The following PTDSS1 variants were observed in gnomAD, a reference collection of about 807,000 sequenced individuals.
The protein encoded by PTDSS1 is PSS-1.
Under a neutral mutation model 70.5 loss-of-function variants are expected in PTDSS1, and 45 were observed. The observed-to-expected ratio is 0.64, with a 90% confidence interval of 0.50 to 0.82. PTDSS1 has a LOEUF of 0.82. Among genes scored for constraint, PTDSS1 ranks in the 40% least tolerant of loss-of-function variants. The pLI is 0.00. For missense variants in PTDSS1, 417 were observed against 586.1 expected (o/e 0.71, Z 2.98); for synonymous variants, 188 against 203.8 (o/e 0.92, Z 0.66).
rs1810413313 is a variant in PTDSS1, at chr8:96,262,129, A to G, written c.89A>G (p.Glu30Gly). 3.7e-6 allele frequency: 6 copies of G among 1,613,962 alleles called. No individual in the cohort carries two copies. Among genetic ancestry groups the G allele is most frequent in the Non-Finnish European group, 5.1e-6 (6 of 1,179,854 alleles). Reference protein sequence around the residue: ...HFRMINEQQVEDITIDFFYRP... With the variant: ...HFRMINEQQVGDITIDFFYRP... ...CGGATGATCAACGAGCAGCAAGTGG[A>G]GGACATCACCATTGACTTCTTCTAC... Residue 30 changes from glutamate to glycine, a missense_variant, in exon 1 of 13, where the codon GAG (glutamate) becomes GGG (glycine). Physicochemically the swap from Glu to Gly is moderately conservative, Grantham distance 98. Around this residue, in one of 3 missense-constraint regions of PTDSS1, gnomAD observed 272 missense variants for 429.5 expected, o/e 0.63. Coordinates refer to ENST00000517309, the MANE Select transcript of PTDSS1 (RefSeq NM_014754.3). The surrounding 1 kb of genome is among the most constrained non-coding windows in gnomAD (Gnocchi z 4.4).
chr8:96,328,047 GTGA>G (rs1190488262), intron 10 of PTDSS1, among the ~76,000 whole-genome samples: 3 of 152,196 alleles, frequency 2.0e-5, no homozygotes, highest in Non-Finnish European at 4.4e-5. Flanking sequence ...TGTGACGATT[GTGA>G]TGATAAGCAC....
At chr8:96,292,289 C>CAAAAAAAAAAA (rs34282078) in intron 4 of PTDSS1, among the ~76,000 whole-genome samples, 1 of 87,844 alleles carries the variant, frequency 1.1e-5, no homozygotes. Context: ...AACGCTGTCT[C>CAAAAAAAAAAA]AAAAAAAAAA....
rs890191574 is a variant in PTDSS1 at position 96,336,481 on chromosome 8, T to C, written c.*2915T>C. 6.6e-6 allele frequency: 1 copy of C among 151,864 alleles called. No homozygotes were observed. The highest frequency in any genetic ancestry group is 1.5e-5 in the Non-Finnish European group (1 of 68,060). The allele number at this position is 151,864 out of a possible 1,614,324, so 9.4% of individuals were successfully genotyped here. ...AGGTGGGGAAGAAAAAATGTAACCA[T>C]TGGCAGCCAGACTGAAGCTAGCCCT... On this transcript the variant is annotated 3_prime_UTR_variant, in exon 13 of 13. Transcript: ENST00000517309.
rs770646606 is a variant in PTDSS1 at position 96,333,580 on chromosome 8, A to G, written c.*14A>G. 6.3e-7 allele frequency: 1 copy of G among 1,589,040 alleles called. No homozygotes were observed. Among genetic ancestry groups the G allele is most frequent in the Non-Finnish European group, 8.6e-7 (1 of 1,157,182 alleles). ...GGAAAGAAATGAAAAACCCTGGTTAATCAAAGATGTTCCAGAGTGCCTAGA... is the reference window on the plus strand; with the variant it reads ...GGAAAGAAATGAAAAACCCTGGTTAGTCAAAGATGTTCCAGAGTGCCTAGA... On this transcript the variant is annotated 3_prime_UTR_variant, in exon 13 of 13. Coordinates refer to ENST00000517309, the MANE Select transcript of PTDSS1 (RefSeq NM_014754.3).
intron 9 of PTDSS1, 58 bp downstream of exon 9, chr8:96,309,680 G>A (rs1811179265): frequency 1.9e-6 from 3 of 1,563,204 alleles, no homozygotes; most frequent in Non-Finnish European, 2.6e-6. Context: ...TTTTATTTGG[G>A]TATTTCTTGA....
rs1810407315 is a variant in PTDSS1, at chr8:96,261,948, C to A, written c.-93C>A. ...TGGGCGCCAGACCCGGCTTTGCCGT[C>A]CGGCTATTAGCCTACTGTGGCTAGT... On this transcript the variant is annotated 5_prime_UTR_variant, in exon 1 of 13. Transcript: ENST00000517309. 7 of 1,338,598 alleles carry A rather than the reference C, an allele frequency of 5.2e-6. No homozygotes were observed. The South Asian group carries it at 8.4e-5, about 16-fold the overall frequency. 82.9% of individuals were successfully genotyped at this position (1,338,598 alleles called of 1,614,324 possible). A position where few individuals can be genotyped will look rare whatever the true frequency, so the allele number is the denominator to read the frequency against.
rs1401447997 is a variant in PTDSS1, at chr8:96,334,882, C to G, written c.*1316C>G. Reference sequence around the variant, plus strand: ...AACTCACTGAAAGTAATCTTTTGTTCCCTCATTTCACACAGCACAAAGGTT... The same window carrying G: ...AACTCACTGAAAGTAATCTTTTGTTGCCTCATTTCACACAGCACAAAGGTT... On this transcript the variant is annotated 3_prime_UTR_variant, in exon 13 of 13. Coordinates refer to ENST00000517309, the MANE Select transcript of PTDSS1 (RefSeq NM_014754.3). The G allele has an allele frequency of 2.0e-5, 3 of 152,164 alleles. No individual in the cohort carries two copies. Among genetic ancestry groups the G allele is most frequent in the African/African-American group, 7.2e-5 (3 of 41,438 alleles). 9.4% of individuals were successfully genotyped at this position (152,164 alleles called of 1,614,324 possible).
chr8:96,316,397 A>C (rs1285832210), intron 9 of PTDSS1, among the ~76,000 whole-genome samples: 1 of 152,234 alleles, frequency 6.6e-6, no homozygotes, highest in African/African-American at 2.4e-5. Context: ...CATAAAAAAG[A>C]ATGGGATCAT....
At chr8:96,271,514 G>A (rs146007623) in intron 1 of PTDSS1, among the ~76,000 whole-genome samples, 27 of 152,136 alleles carry the variant, frequency 1.8e-4, no homozygotes, top group African/African-American at 6.5e-4. Context: ...AACAATCTGG[G>A]ATATATGTCA....
intron 6 of PTDSS1, among the ~76,000 whole-genome samples, chr8:96,300,409 T>C (rs906518323): frequency 6.6e-6 from 1 of 152,208 alleles, no homozygotes; most frequent in East Asian, 1.9e-4. Flanking sequence ...TGTGTACCCA[T>C]AGGCCAGCCT....
At position 96,330,266 on chromosome 8, in the gene PTDSS1, T is replaced by C. The variant is rs764902039; in HGVS notation, c.1227T>C (p.Tyr409=). 1.2e-6 allele frequency: 2 copies of C among 1,611,486 alleles called. No individual in the cohort carries two copies. Among genetic ancestry groups the C allele is most frequent in the South Asian group, 1.1e-5 (1 of 91,032 alleles). Residue 409 remains tyrosine (Y), a synonymous_variant, in exon 11 of 13, where the codon TAT becomes TAC. Transcript: ENST00000517309. ...LYGMIWYAEH[Y]GHREKTYSEC... ...GCATGATTTGGTATGCAGAACACTATGGTCACCGAGAAAAGGTATGGAAGG... is the reference window on the plus strand; with the variant it reads ...GCATGATTTGGTATGCAGAACACTACGGTCACCGAGAAAAGGTATGGAAGG...
At position 96,270,875 on chromosome 8, in the gene PTDSS1, C is replaced by G. The variant is rs775389539; in HGVS notation, c.180-2424C>G. On this transcript the variant is annotated intron_variant, in intron 1 of 12. Transcript: ENST00000517309. ...TTCTAATAAAATTGCTCAAAATTTA[C>G]AAAACTGCCATTTCATTGGTTTTAC... is the stretch of plus-strand genomic sequence containing the variant. Among the ~76,000 whole-genome samples, 73 of 152,138 alleles carry G rather than the reference C, an allele frequency of 4.8e-4. 1 individual carries two copies. Among genetic ancestry groups the G allele is most frequent in the Non-Finnish European group, 1.0e-4 (7 of 68,026 alleles).
chr8:96,268,878 C>T (rs1810523179), intron 1 of PTDSS1, among the ~76,000 whole-genome samples: 1 of 152,124 alleles, frequency 6.6e-6, no homozygotes, highest in Non-Finnish European at 1.5e-5. Flanking sequence ...CTGAGACTCC[C>T]CCCTCACGTT....
intron 7 of PTDSS1, among the ~76,000 whole-genome samples, chr8:96,305,358 G>A (rs959628869): frequency 3.3e-5 from 5 of 152,156 alleles, no homozygotes; most frequent in East Asian, 1.9e-4. Context: ...GCATTTTGTG[G>A]AATTGTAATG....
At chr8:96,273,176 C>A in intron 1 of PTDSS1, 123 bp from the exon 2 acceptor site, 1 of 644,516 alleles carries the variant, frequency 1.6e-6, no homozygotes, top group Non-Finnish European at 2.6e-6. Context: ...ATTTCAGAAC[C>A]TATGTTCAAT....
At chr8:96,309,504 T>A in intron 8 of PTDSS1, 53 bp from the exon 9 acceptor site, 1 of 1,515,780 alleles carries the variant, frequency 6.6e-7, no homozygotes, top group Admixed American at 1.7e-5. Context: ...AATTATGTGC[T>A]GACTTGCTGG....
intron 9 of PTDSS1, among the ~76,000 whole-genome samples, chr8:96,319,190 A>G (rs2130154867): frequency 6.6e-6 from 1 of 152,142 alleles, no homozygotes; most frequent in Non-Finnish European, 1.5e-5. Flanking sequence ...CCGAGATCAC[A>G]GACATGAGCC....
intron 2 of PTDSS1, among the ~76,000 whole-genome samples, chr8:96,278,974 T>TCCC (rs1563564120): frequency 1.6e-5 from 2 of 128,850 alleles, no homozygotes; most frequent in African/African-American, 7.8e-5. Flanking sequence ...CAGCCCCCCT[T>TCCC]TTTTTTTTTT....
At chr8:96,331,945 G>T (rs1376110497) in intron 12 of PTDSS1, among the ~76,000 whole-genome samples, 3 of 145,314 alleles carry the variant, frequency 2.1e-5, no homozygotes, top group Non-Finnish European at 3.0e-5. Context: ...AGCTAGTCAG[G>T]AGTCAGAGAT....
Sources: gnomAD v4.1 joint callset for allele counts (sites outside exome capture counted in the v4.1 genomes callset) on GRCh38, gnomAD v4.1.1 for gene constraint, gnomAD v4.1.1 regional missense constraint, Gnocchi (gnomAD v3.1) non-coding constraint, MANE v1.5 for transcripts, NCBI Gene and HGNC (gene_info 2026-07-23, HGNC 2026-07-21) for gene names.